Variants in CDH12 observed in about 807,000 individuals in gnomAD.
The protein encoded by CDH12 is cadherin 12.
CDH12 carries 41 observed loss-of-function variants against 74.1 expected under a neutral mutation model. That is an observed-to-expected ratio of 0.55 (90% confidence interval 0.43 to 0.72). The LOEUF (loss-of-function observed/expected upper bound fraction) is 0.72. Ranked by LOEUF, CDH12 falls within the 30% of genes least tolerant of loss-of-function variation. The probability of loss-of-function intolerance (pLI) is 0.00; values close to 1 mark genes in which losing one functional copy is unlikely to be tolerated. For synonymous variants in CDH12, 399 were observed against 355.0 expected (o/e 1.12, Z -1.39); for missense variants, 945 against 977.2 (o/e 0.97, Z 0.44).
intron 3 of CDH12, among the ~76,000 whole-genome samples, chr5:22,215,663 C>A (rs189574768): frequency 6.6e-6 from 1 of 152,088 alleles, no homozygotes; most frequent in African/African-American, 2.4e-5. Flanking sequence ...TATATTAGAC[C>A]AAAATTATGA....
chr5:21,899,253 C>T (rs992709661), intron 6 of CDH12, among the ~76,000 whole-genome samples: 3 of 152,194 alleles, frequency 2.0e-5, no homozygotes, highest in Admixed American at 6.5e-5. Flanking sequence ...CCTTGCATTA[C>T]AAATCTTTAT....
intron 1 of CDH12, among the ~76,000 whole-genome samples, chr5:22,605,888 T>C (rs956137024): frequency 6.6e-6 from 1 of 152,206 alleles, no homozygotes; most frequent in African/African-American, 2.4e-5. Flanking sequence ...CCATGGGTCA[T>C]CTGCATCTCC....
At chr5:22,608,674 G>A (rs1177889251) in intron 1 of CDH12, among the ~76,000 whole-genome samples, 1 of 152,160 alleles carries the variant, frequency 6.6e-6, no homozygotes, top group Non-Finnish European at 1.5e-5. Context: ...CAATTCCCAT[G>A]TGTCATGGGT....
intron 3 of CDH12, among the ~76,000 whole-genome samples, chr5:22,364,514 C>A (rs914345329): frequency 2.0e-5 from 3 of 151,984 alleles, no homozygotes; most frequent in Admixed American, 6.6e-5. Flanking sequence ...TAATCTGTGG[C>A]CGGCAACAGG....
chr5:21,824,799 G>A (rs1748567689), intron 8 of CDH12, among the ~76,000 whole-genome samples: 2 of 152,064 alleles, frequency 1.3e-5, no homozygotes, highest in Non-Finnish European at 2.9e-5. Context: ...TTTCTCCAAA[G>A]AAATCCTCTG....
At chr5:21,844,624 A>G (rs1045540249) in intron 7 of CDH12, among the ~76,000 whole-genome samples, 33 of 152,140 alleles carry the variant, frequency 2.2e-4, no homozygotes, top group African/African-American at 7.7e-4. Context: ...AGGTCTTGAC[A>G]ATTTTTATGA....
chr5:21,875,254 A>G (rs1751867643), intron 6 of CDH12, among the ~76,000 whole-genome samples: 1 of 152,230 alleles, frequency 6.6e-6, no homozygotes, highest in Admixed American at 6.5e-5. Flanking sequence ...GATTTTGGCA[A>G]GTCACTTAAA....
chr5:22,566,990 T>C (rs936089414), intron 1 of CDH12, among the ~76,000 whole-genome samples: 5 of 152,200 alleles, frequency 3.3e-5, no homozygotes, highest in Admixed American at 2.6e-4. Context: ...AAATAAACGA[T>C]GTCACCACAA....
intron 1 of CDH12, among the ~76,000 whole-genome samples, chr5:22,840,622 C>A (rs920142712): frequency 1.3e-5 from 2 of 151,814 alleles, no homozygotes; most frequent in African/African-American, 4.8e-5. Context: ...AGACACTGTT[C>A]TCATCTCTTG....
At chr5:22,025,125 A>T (rs1472546119) in intron 5 of CDH12, among the ~76,000 whole-genome samples, 1 of 152,164 alleles carries the variant, frequency 6.6e-6, no homozygotes, top group African/African-American at 2.4e-5. Context: ...CTAGAATTTG[A>T]TTCAGATTAG....
At chr5:22,314,863 G>C (rs1351835392) in intron 3 of CDH12, among the ~76,000 whole-genome samples, 2 of 143,324 alleles carry the variant, frequency 1.4e-5, no homozygotes, top group African/African-American at 5.2e-5. Context: ...TTTAATGTAA[G>C]AAGAAAGATA....
chr5:22,775,514 A>G (rs541033516), intron 1 of CDH12, among the ~76,000 whole-genome samples: 1 of 152,230 alleles, frequency 6.6e-6, no homozygotes, highest in East Asian at 1.9e-4. Context: ...AAAATATTAA[A>G]TAATTACAGG....
At chr5:21,807,676 G>A (rs1171464987) in intron 9 of CDH12, among the ~76,000 whole-genome samples, 2 of 151,976 alleles carry the variant, frequency 1.3e-5, no homozygotes, top group Admixed American at 6.6e-5. Context: ...GATATTTTGA[G>A]GAATTTGAAA....
At chr5:21,899,331 A>C (rs1432579942) in intron 6 of CDH12, among the ~76,000 whole-genome samples, 1 of 152,190 alleles carries the variant, frequency 6.6e-6, no homozygotes, top group East Asian at 1.9e-4. Context: ...TTTACCTTGC[A>C]TTCCTCATAA....
intron 1 of CDH12, among the ~76,000 whole-genome samples, chr5:22,594,626 C>T (rs956547920): frequency 4.5e-5 from 6 of 134,122 alleles, no homozygotes; most frequent in Non-Finnish European, 8.4e-5. Flanking sequence ...TTTGTTAACT[C>T]AAGTCTCTAC....
intron 1 of CDH12, among the ~76,000 whole-genome samples, chr5:22,516,587 G>T (rs927335141): frequency 1.2e-4 from 19 of 152,014 alleles, no homozygotes; most frequent in African/African-American, 4.3e-4. Context: ...TTGTGTCCAG[G>T]AGTTCGAGAC....
intron 4 of CDH12, among the ~76,000 whole-genome samples, chr5:22,183,279 T>C (rs1487859507): frequency 1.3e-5 from 2 of 151,984 alleles, no homozygotes; most frequent in Admixed American, 1.3e-4. Flanking sequence ...AATAAAATAT[T>C]GCTTATAATA....
intron 6 of CDH12, chr5:21,883,074 G>A: frequency 6.2e-7 from 1 of 1,609,996 alleles, no homozygotes; most frequent in Admixed American, 1.7e-5. Flanking sequence ...GTCTAAACCT[G>A]TGACCACCCC....
intron 10 of CDH12, among the ~76,000 whole-genome samples, chr5:21,789,297 G>A (rs995427672): frequency 5.3e-5 from 8 of 151,964 alleles, no homozygotes; most frequent in Admixed American, 3.3e-4. Context: ...GACTGGTTGC[G>A]AAGGAAAGAG....
Sources: gnomAD v4.1 joint callset for allele counts (sites outside exome capture counted in the v4.1 genomes callset) on GRCh38, gnomAD v4.1.1 for gene constraint, MANE v1.5 for transcripts, NCBI Gene and HGNC (gene_info 2026-07-23, HGNC 2026-07-21) for gene names.